Variants in CACNA1A observed in about 807,000 individuals in gnomAD.
The protein encoded by CACNA1A is voltage-dependent P/Q-type calcium channel subunit alpha-1A.
In CACNA1A, 57 loss-of-function variants were observed where a neutral mutation model predicts 262.4. The ratio of observed to expected loss-of-function variants is 0.22; its 90% CI spans 0.18 to 0.27. The LOEUF (loss-of-function observed/expected upper bound fraction) is 0.27, where lower values mean the gene tolerates loss of function less well. Among genes scored for constraint, CACNA1A ranks in the 10% least tolerant of loss-of-function variants. CACNA1A has a pLI of 1.00. For missense variants in CACNA1A, 2,526 were observed against 3,562.8 expected (o/e 0.71, Z 7.41); for synonymous variants, 1,431 against 1,419.3 (o/e 1.01, Z -0.18).
chr19:13,376,832 T>C, intron 3 of CACNA1A, among the ~76,000 whole-genome samples: 1 of 147,062 alleles, frequency 6.8e-6, no homozygotes, highest in South Asian at 2.1e-4. Flanking sequence ...ATATAACACA[T>C]GTTATATGTG....
At chr19:13,404,212 A>C (rs1008105746) in intron 3 of CACNA1A, among the ~76,000 whole-genome samples, 5 of 152,076 alleles carry the variant, frequency 3.3e-5, no homozygotes, top group Non-Finnish European at 5.9e-5. Flanking sequence ...ACACAGTAAT[A>C]AGGTTCATAG....
intron 19 of CACNA1A, among the ~76,000 whole-genome samples, chr19:13,288,002 T>C (rs966942903): frequency 6.6e-6 from 1 of 152,088 alleles, no homozygotes; most frequent in Non-Finnish European, 1.5e-5. Context: ...GGCGTCTCAC[T>C]ATGTTGCCCA....
chr19:13,207,262 G>A lies in CACNA1A; in HGVS notation c.*51C>T, dbSNP rs969359946. 3.4e-6 allele frequency: 5 copies of A among 1,485,204 alleles called. No individual in the cohort carries two copies. Among genetic ancestry groups the A allele is most frequent in the Admixed American group, 4.5e-5 (2 of 44,692 alleles). 92.0% of individuals were successfully genotyped at this position (1,485,204 alleles called of 1,614,324 possible). Reference sequence around the variant, plus strand: ...GCCTCTGCGCGGCTCCTCGGGTGGGGTGTGTGCGTGGGGTGCGTGGGGGGC... The same window carrying A: ...GCCTCTGCGCGGCTCCTCGGGTGGGATGTGTGCGTGGGGTGCGTGGGGGGC... On this transcript the variant is annotated 3_prime_UTR_variant, in exon 47 of 47. Coordinates refer to ENST00000360228, the MANE Select transcript of CACNA1A (RefSeq NM_001127222.2). The surrounding 1 kb of genome is among the most constrained non-coding windows in gnomAD (Gnocchi z 5.7).
intron 3 of CACNA1A, among the ~76,000 whole-genome samples, chr19:13,415,381 C>T (rs1331240707): frequency 6.6e-6 from 1 of 152,108 alleles, no homozygotes; most frequent in African/African-American, 2.4e-5. Flanking sequence ...GAGGCTTCTG[C>T]ATGTCAGAGC....
At chr19:13,479,000 C>T (rs1320468520) in intron 1 of CACNA1A, among the ~76,000 whole-genome samples, 2 of 152,034 alleles carry the variant, frequency 1.3e-5, no homozygotes, top group Non-Finnish European at 2.9e-5. Context: ...ATGGTGAAAC[C>T]CCATCTGTAC....
chr19:13,288,392 A>C (rs2057456297), intron 19 of CACNA1A, among the ~76,000 whole-genome samples: 1 of 151,888 alleles, frequency 6.6e-6, no homozygotes, highest in Non-Finnish European at 1.5e-5. Context: ...AGCGTGCACC[A>C]CAATACCCAG....
intron 7 of CACNA1A, among the ~76,000 whole-genome samples, chr19:13,335,353 A>G (rs1376117377): frequency 6.6e-6 from 1 of 152,180 alleles, no homozygotes; most frequent in Admixed American, 6.6e-5. Flanking sequence ...AGATGTCAGA[A>G]TGGAAAGCTG....
intron 3 of CACNA1A, among the ~76,000 whole-genome samples, chr19:13,392,130 G>C (rs1206594660): frequency 6.6e-6 from 1 of 151,946 alleles, no homozygotes; most frequent in Non-Finnish European, 1.5e-5. Flanking sequence ...ACGATACCTT[G>C]AGCTCAGGAG....
At chr19:13,303,642 C>T (rs757146750) in intron 16 of CACNA1A, 29 bp from the exon 17 acceptor site, 19 of 1,607,796 alleles carry the variant, frequency 1.2e-5, no homozygotes, top group African/African-American at 1.3e-5. Flanking sequence ...GGAAAAGCAA[C>T]CACTGGTGGG....
In CACNA1A at chr19:13,318,322, G is replaced by A. The variant is rs2058169795; in HGVS notation, c.1346-1001C>T. Among the ~76,000 whole-genome samples the A allele has an allele frequency of 1.3e-5, 2 of 152,166 alleles. 1 individual carries two copies. Among genetic ancestry groups the A allele is most frequent in the Admixed American group, 1.3e-4 (2 of 15,264 alleles). ...GTGTCTGCCCGACATTTTTGGGGAA[G>A]AGCACAAGGAAGTCAGTGTGGCTGG... On this transcript the variant is annotated intron_variant, in intron 10 of 46. Transcript: ENST00000360228.
In CACNA1A at chr19:13,308,340, A is replaced by T. The variant is rs2057950668; in HGVS notation, c.1781+76T>A. 7.7e-6 allele frequency: 12 copies of T among 1,556,164 alleles called. No individual in the cohort carries two copies. Among genetic ancestry groups the T allele is most frequent in the Non-Finnish European group, 9.6e-6 (11 of 1,146,544 alleles). On this transcript the variant is annotated intron_variant, in intron 13 of 46. Transcript: ENST00000360228. The surrounding 1 kb of genome is among the most constrained non-coding windows in gnomAD (Gnocchi z 4.2). ...CTCGAAACACGAGGCTCACTTTCCC[A>T]ACTTTCTGGAGGCGGCCCCACCATG... is the stretch of plus-strand genomic sequence containing the variant.
At chr19:13,331,761 A>G (rs924304085) in intron 9 of CACNA1A, among the ~76,000 whole-genome samples, 1 of 152,044 alleles carries the variant, frequency 6.6e-6, no homozygotes, top group African/African-American at 2.4e-5. Context: ...CTTGGGCTCA[A>G]GTGATCCTCC....
At chr19:13,290,319 T>C (rs1300926492) in intron 19 of CACNA1A, among the ~76,000 whole-genome samples, 2 of 152,108 alleles carry the variant, frequency 1.3e-5, no homozygotes, top group Non-Finnish European at 2.9e-5. Flanking sequence ...CTGCTTGTGA[T>C]GCTTTTTGAG....
rs192597353 is a variant in CACNA1A, at chr19:13,331,067, T to C, written c.1256-734A>G. Among the ~76,000 whole-genome samples, 23 of 152,124 alleles carry C rather than the reference T, an allele frequency of 1.5e-4. No individual in the cohort carries two copies. The East Asian group carries it at 4.1e-3, about 27-fold the overall frequency. On this transcript the variant is annotated intron_variant, in intron 9 of 46. Transcript: ENST00000360228. ...TAGACTTCCAATAAAAAGATTTAGG[T>C]ACCCTAAATGAGTTAGATTACCTAA...
At chr19:13,430,376 T>G (rs549085922) in intron 3 of CACNA1A, among the ~76,000 whole-genome samples, 5 of 152,020 alleles carry the variant, frequency 3.3e-5, no homozygotes, top group Non-Finnish European at 5.9e-5. Context: ...CCAGCTAATT[T>G]TTGTATTTTT....
intron 1 of CACNA1A, among the ~76,000 whole-genome samples, chr19:13,486,512 C>A (rs181091376): frequency 1.1e-3 from 163 of 151,908 alleles, no homozygotes; most frequent in African/African-American, 3.7e-3. Flanking sequence ...GGAAAATACC[C>A]AGACAGAAAA....
intron 38 of CACNA1A, among the ~76,000 whole-genome samples, chr19:13,220,617 T>G (rs2055185263): frequency 6.6e-6 from 1 of 152,144 alleles, no homozygotes; most frequent in Non-Finnish European, 1.5e-5. Flanking sequence ...CCAGTCCAGC[T>G]TTTTGGACTT....
At chr19:13,415,359 G>A (rs1233707761) in intron 3 of CACNA1A, among the ~76,000 whole-genome samples, 6 of 152,106 alleles carry the variant, frequency 3.9e-5, no homozygotes, top group African/African-American at 1.4e-4. Flanking sequence ...TATGACCTGG[G>A]GGACAGGGTG....
intron 3 of CACNA1A, among the ~76,000 whole-genome samples, chr19:13,425,862 C>A (rs1006508152): frequency 1.3e-5 from 2 of 152,102 alleles, no homozygotes; most frequent in African/African-American, 4.8e-5. Flanking sequence ...TCAAAACCAG[C>A]CTGGCCAACG....
Sources: gnomAD v4.1 joint callset for allele counts (sites outside exome capture counted in the v4.1 genomes callset) on GRCh38, gnomAD v4.1.1 for gene constraint, Gnocchi (gnomAD v3.1) non-coding constraint, MANE v1.5 for transcripts, NCBI Gene and HGNC (gene_info 2026-07-23, HGNC 2026-07-21) for gene names.